Variants in NELL1 observed in about 807,000 individuals in gnomAD.
NELL1 encodes protein kinase C-binding protein NELL1.
A neutral mutation model predicts 107.4 loss-of-function variants in NELL1; 76 were observed. That is an observed-to-expected ratio of 0.71 (90% CI 0.59 to 0.86). The LOEUF (loss-of-function observed/expected upper bound fraction) is 0.86, where lower values mean the gene tolerates loss of function less well. Among genes scored for constraint, NELL1 ranks in the 40% least tolerant of loss-of-function variants. The pLI, the probability that NELL1 is intolerant of heterozygous loss-of-function variation, is 0.00. For missense variants in NELL1, 1,024 were observed against 1,005.5 expected, an observed-to-expected ratio of 1.02 and a Z score of -0.25; for synonymous variants, 353 against 341.2, an observed-to-expected ratio of 1.03 and a Z score of -0.38.
intron 12 of NELL1, among the ~76,000 whole-genome samples, chr11:21,061,900 A>C (rs972208716): frequency 6.6e-6 from 1 of 152,106 alleles, no homozygotes; most frequent in African/African-American, 2.4e-5. Flanking sequence ...TGTTCTTTTC[A>C]ATTAGCTGAA....
At chr11:21,306,017 G>A (rs1302201280) in intron 14 of NELL1, among the ~76,000 whole-genome samples, 1 of 151,868 alleles carries the variant, frequency 6.6e-6, no homozygotes, top group Non-Finnish European at 1.5e-5. Context: ...TGCCAATTTG[G>A]TTAAAATTGG....
rs181188325 is a variant in NELL1 at position 21,092,956 on chromosome 11, G to T, written c.1301-20633G>T. On this transcript the variant is annotated intron_variant, in intron 12 of 19. Coordinates refer to ENST00000357134, the MANE Select transcript of NELL1 (RefSeq NM_006157.5). Reference sequence around the variant, plus strand: ...CAATTCTCTTCTAGGTGGTCTGGCGGGATCAGAGCAGAGAAGAGTCAGCTT... The same window carrying T: ...CAATTCTCTTCTAGGTGGTCTGGCGTGATCAGAGCAGAGAAGAGTCAGCTT... 4.0e-3 allele frequency among the ~76,000 whole-genome samples: 602 copies of T among 152,174 alleles called. 8 individuals carry two copies. The highest frequency in any genetic ancestry group is 4.1e-3 in the Non-Finnish European group (279 of 68,006).
intron 7 of NELL1, among the ~76,000 whole-genome samples, chr11:20,920,982 T>G (rs530130371): frequency 2.6e-5 from 4 of 152,228 alleles, no homozygotes; most frequent in African/African-American, 9.6e-5. Context: ...ATTTGAAAAC[T>G]GAGTACTTCC....
At chr11:21,451,460 A>G (rs1853583831) in intron 15 of NELL1, among the ~76,000 whole-genome samples, 3 of 152,098 alleles carry the variant, frequency 2.0e-5, no homozygotes, top group South Asian at 4.1e-4. Context: ...TCCTGGAGAC[A>G]ATTATCCAAA....
At chr11:20,876,783 CA>C (rs1849312626) in intron 4 of NELL1, among the ~76,000 whole-genome samples, 1 of 151,548 alleles carries the variant, frequency 6.6e-6, no homozygotes, top group Non-Finnish European at 1.5e-5. Flanking sequence ...CAAAACAAAA[CA>C]AACAAACAAA....
At chr11:21,484,079 C>T (rs940338095) in intron 15 of NELL1, among the ~76,000 whole-genome samples, 4 of 138,930 alleles carry the variant, frequency 2.9e-5, no homozygotes, top group Admixed American at 7.4e-5. Context: ...ATTTAGCCAG[C>T]GTTAATAGTG....
intron 12 of NELL1, among the ~76,000 whole-genome samples, chr11:21,056,654 T>C (rs1265837896): frequency 6.6e-6 from 1 of 152,214 alleles, no homozygotes; most frequent in Non-Finnish European, 1.5e-5. Flanking sequence ...AACAAATCAA[T>C]TACTTTAGCA....
intron 14 of NELL1, among the ~76,000 whole-genome samples, chr11:21,238,215 A>G (rs1328251223): frequency 3.3e-5 from 5 of 152,104 alleles, no homozygotes; most frequent in Non-Finnish European, 5.9e-5. Context: ...TTTGTCATCA[A>G]CACATCAACA....
At chr11:21,520,180 G>A (rs1855682443) in intron 15 of NELL1, among the ~76,000 whole-genome samples, 1 of 152,100 alleles carries the variant, frequency 6.6e-6, no homozygotes, top group Admixed American at 6.5e-5. Flanking sequence ...AGGCCTAAGG[G>A]ACATCTGTGG....
rs113788389 is a variant in NELL1 at position 21,046,175 on chromosome 11, G to A, written c.1301-67414G>A. ...TTTTTAAAGAGAAAAAATGTTTTGA[G>A]CAACCTGACAATTTAAATTATTTTT... On this transcript the variant is annotated intron_variant, in intron 12 of 19. Coordinates refer to ENST00000357134, the MANE Select transcript of NELL1 (RefSeq NM_006157.5). Among the ~76,000 whole-genome samples the A allele has an allele frequency of 2.7e-3, 417 of 152,236 alleles. 1 individual carries two copies. Among genetic ancestry groups the A allele is most frequent in the Middle Eastern group, 0.014 (4 of 294 alleles).
At chr11:21,472,669 A>G (rs1309608492) in intron 15 of NELL1, among the ~76,000 whole-genome samples, 6 of 152,168 alleles carry the variant, frequency 3.9e-5, no homozygotes, top group Middle Eastern at 3.4e-3. Context: ...GAAAAAAACT[A>G]CATACTTATT....
chr11:21,379,999 C>A (rs111244211), intron 15 of NELL1, among the ~76,000 whole-genome samples: 2 of 152,084 alleles, frequency 1.3e-5, no homozygotes, highest in East Asian at 1.9e-4. Flanking sequence ...AATATTTATT[C>A]TATTTCCTCT....
At chr11:20,878,358 CAAAAA>C (rs58962461) in intron 4 of NELL1, among the ~76,000 whole-genome samples, 19 of 95,754 alleles carry the variant, frequency 2.0e-4, no homozygotes, top group Admixed American at 2.5e-4. Context: ...GACCCCGTCT[CAAAAA>C]AAAAAAAAAA....
intron 3 of NELL1, among the ~76,000 whole-genome samples, chr11:20,807,492 G>T (rs964533675): frequency 6.6e-6 from 1 of 152,230 alleles, no homozygotes; most frequent in Non-Finnish European, 1.5e-5. Flanking sequence ...TGTTGAGTCA[G>T]AATGAAGCCA....
intron 13 of NELL1, among the ~76,000 whole-genome samples, chr11:21,158,833 AT>A (rs760682967): frequency 1.7e-4 from 25 of 151,218 alleles, no homozygotes; most frequent in African/African-American, 4.9e-4. Flanking sequence ...CCTTTCTGTT[AT>A]TTTTTTTCTC....
chr11:21,359,132 T>C (rs540777243), intron 14 of NELL1, among the ~76,000 whole-genome samples: 4 of 152,214 alleles, frequency 2.6e-5, no homozygotes, highest in African/African-American at 4.8e-5. Context: ...ATTGATTTTT[T>C]ATTACCTTGA....
chr11:20,675,551 C>G (rs74936574), intron 1 of NELL1, among the ~76,000 whole-genome samples: 5 of 152,130 alleles, frequency 3.3e-5, no homozygotes, highest in African/African-American at 4.8e-5. Flanking sequence ...CTTCTTCTTG[C>G]GTCTGGTGAA....
chr11:20,783,974 T>G (rs1856903894), intron 3 of NELL1, 144 bp downstream of exon 3: 1 of 736,070 alleles, frequency 1.4e-6, no homozygotes, highest in Non-Finnish European at 2.0e-6. Context: ...TGAATTTACT[T>G]TGCATTAAGA....
chr11:20,744,493 G>A (rs1855960557), intron 2 of NELL1, among the ~76,000 whole-genome samples: 1 of 152,170 alleles, frequency 6.6e-6, no homozygotes, highest in South Asian at 2.1e-4. Flanking sequence ...GCAAGTTGAC[G>A]GAATCAGCTA....
Sources: gnomAD v4.1 joint callset for allele counts (sites outside exome capture counted in the v4.1 genomes callset) on GRCh38, gnomAD v4.1.1 for gene constraint, MANE v1.5 for transcripts, NCBI Gene and HGNC (gene_info 2026-07-23, HGNC 2026-07-21) for gene names.